HPSE2: variants seen among roughly 807,000 people sequenced by gnomAD.
HPSE2 encodes the protein heparanase 2 (inactive), also known as inactive heparanase-2.
Under a neutral mutation model 60.5 loss-of-function variants are expected in HPSE2, and 38 were observed. The observed-to-expected ratio is 0.63, with a 90% CI of 0.48 to 0.82. The LOEUF is 0.82. HPSE2 is among the 40% of genes least tolerant of loss of function. The pLI is 0.00. For missense variants in HPSE2, 713 were observed against 740.4 expected (o/e 0.96, Z 0.43); for synonymous variants, 295 against 293.2 (o/e 1.01, Z -0.06).
intron 3 of HPSE2, among the ~76,000 whole-genome samples, chr10:98,797,902 T>G (rs931667602): frequency 6.6e-6 from 1 of 151,482 alleles, no homozygotes; most frequent in Non-Finnish European, 1.5e-5. Context: ...GGGTAGAAAG[T>G]TTATTCAAAG....
At chr10:98,497,073 T>C (rs574574850) in intron 9 of HPSE2, among the ~76,000 whole-genome samples, 124 of 152,260 alleles carry the variant, frequency 8.1e-4, no homozygotes, top group African/African-American at 2.8e-3. Context: ...ATGTATACTA[T>C]TAAGTTTGCT....
chr10:98,912,057 A>T (rs1427422209), intron 3 of HPSE2, among the ~76,000 whole-genome samples: 3 of 152,236 alleles, frequency 2.0e-5, no homozygotes, highest in Non-Finnish European at 4.4e-5. Context: ...TATTAGTAAC[A>T]TATGCATTGG....
chr10:99,112,461 T>C (rs1589675049), intron 3 of HPSE2, among the ~76,000 whole-genome samples: 3 of 151,738 alleles, frequency 2.0e-5, no homozygotes, highest in South Asian at 4.2e-4. Flanking sequence ...TGTTTTGTTT[T>C]TGTATTTTTA....
chr10:98,952,333 T>C (rs933604646), intron 3 of HPSE2, among the ~76,000 whole-genome samples: 14 of 151,214 alleles, frequency 9.3e-5, no homozygotes, highest in Non-Finnish European at 1.5e-4. Context: ...TGTGTGTGTG[T>C]GTGTGTGTGT....
chr10:98,742,067 A>T (rs1949510780), intron 4 of HPSE2, among the ~76,000 whole-genome samples: 1 of 152,220 alleles, frequency 6.6e-6, no homozygotes, highest in South Asian at 2.1e-4. Flanking sequence ...GCCTACTTCA[A>T]AGCTGATCAT....
intron 9 of HPSE2, among the ~76,000 whole-genome samples, chr10:98,600,898 T>TATATA (rs1470257377): frequency 1.4e-4 from 6 of 42,154 alleles, no homozygotes; most frequent in African/African-American, 3.1e-4. Flanking sequence ...TATACGTATA[T>TATATA]ATATGTGTGT....
At chr10:99,229,253 A>G (rs1450980154) in intron 2 of HPSE2, among the ~76,000 whole-genome samples, 4 of 152,186 alleles carry the variant, frequency 2.6e-5, no homozygotes, top group South Asian at 2.1e-4. Flanking sequence ...CAATGCTACA[A>G]CTATCCATTC....
intron 3 of HPSE2, among the ~76,000 whole-genome samples, chr10:98,839,065 CA>C: frequency 6.6e-6 from 1 of 152,126 alleles, no homozygotes; most frequent in Non-Finnish European, 1.5e-5. Flanking sequence ...CATTTTACTA[CA>C]GTATGTCTTT....
At chr10:98,660,234 C>A (rs1382380911) in intron 6 of HPSE2, among the ~76,000 whole-genome samples, 1 of 152,176 alleles carries the variant, frequency 6.6e-6, no homozygotes, top group Non-Finnish European at 1.5e-5. Context: ...CTTCTCATTG[C>A]AAATTTATTT....
At chr10:99,175,548 C>A (rs1847490854) in intron 2 of HPSE2, among the ~76,000 whole-genome samples, 1 of 152,228 alleles carries the variant, frequency 6.6e-6, no homozygotes, top group African/African-American at 2.4e-5. Context: ...AGCAAGGCTG[C>A]TGTAGCCATA....
intron 3 of HPSE2, among the ~76,000 whole-genome samples, chr10:98,893,943 T>C (rs1282669680): frequency 6.6e-6 from 1 of 150,882 alleles, no homozygotes; most frequent in Non-Finnish European, 1.5e-5. Context: ...AAAAATTCCA[T>C]AAAAAGTGGC....
rs527304598 is a variant in HPSE2, at chr10:99,086,869, A to T, written c.610+57369T>A. ...ATTGACAAGAGCTTGACCTCCATCC[A>T]ACTCCCAAATCAGATAACACAGAGT... is the stretch of plus-strand genomic sequence containing the variant. On this transcript the variant is annotated intron_variant, in intron 3 of 11. Transcript: ENST00000370552. Among the ~76,000 whole-genome samples the T allele has an allele frequency of 1.3e-3, 196 of 152,168 alleles. 5 individuals are homozygous for T. The highest frequency in any genetic ancestry group is 4.4e-4 in the Non-Finnish European group (30 of 68,034).
intron 3 of HPSE2, among the ~76,000 whole-genome samples, chr10:98,991,502 G>A (rs978365316): frequency 6.6e-6 from 1 of 152,152 alleles, no homozygotes; most frequent in African/African-American, 2.4e-5. Flanking sequence ...CAGAGAGTGG[G>A]CAGACAGTGG....
At chr10:98,663,326 AACTT>A in intron 6 of HPSE2, among the ~76,000 whole-genome samples, 1 of 152,288 alleles carries the variant, frequency 6.6e-6, no homozygotes, top group African/African-American at 2.4e-5. Context: ...GCTCTCATGG[AACTT>A]ATATTCTAGA....
chr10:99,025,090 A>C (rs1957346968), intron 3 of HPSE2, among the ~76,000 whole-genome samples: 1 of 152,214 alleles, frequency 6.6e-6, no homozygotes, highest in Non-Finnish European at 1.5e-5. Context: ...ACAATGAACC[A>C]ATAAAAAATA....
At chr10:98,989,676 G>C (rs987762144) in intron 3 of HPSE2, among the ~76,000 whole-genome samples, 71 of 151,694 alleles carry the variant, frequency 4.7e-4, no homozygotes, top group African/African-American at 1.6e-3. Context: ...AACTCAAAAA[G>C]GCTTGTCTTT....
intron 1 of HPSE2, among the ~76,000 whole-genome samples, chr10:99,233,439 T>C (rs1849735416): frequency 6.6e-6 from 1 of 152,202 alleles, no homozygotes; most frequent in South Asian, 2.1e-4. Context: ...CAATAGCATT[T>C]GCATCTATTT....
intron 3 of HPSE2, among the ~76,000 whole-genome samples, chr10:98,846,219 A>G (rs1049298120): frequency 1.3e-5 from 2 of 152,214 alleles, no homozygotes; most frequent in African/African-American, 4.8e-5. Flanking sequence ...TTTTTAAAAG[A>G]TAGAAGTCAA....
chr10:98,667,386 C>CA (rs1432761306), intron 6 of HPSE2, among the ~76,000 whole-genome samples: 1 of 152,026 alleles, frequency 6.6e-6, no homozygotes, highest in Non-Finnish European at 1.5e-5. Context: ...GAAACTATTC[C>CA]AAAAAATAAA....
Sources: allele counts gnomAD v4.1 joint callset (sites outside exome capture counted in the v4.1 genomes callset), GRCh38; gene constraint gnomAD v4.1.1; transcripts MANE v1.5; gene names NCBI Gene and HGNC (gene_info 2026-07-23, HGNC 2026-07-21).